The following SNRPN variants were observed in gnomAD, a reference collection of about 807,000 sequenced individuals.
SNRPN encodes small nuclear ribonucleoprotein-associated protein N.
Under a neutral mutation model 25.2 loss-of-function variants are expected in SNRPN, and 7 were observed. That is an observed-to-expected ratio of 0.28 (90% CI 0.16 to 0.52). SNRPN has a LOEUF of 0.52. SNRPN is among the 20% of genes least tolerant of loss of function. The pLI, the probability that SNRPN is intolerant of heterozygous loss-of-function variation, is 0.96. For synonymous variants in SNRPN, 124 were observed against 110.6 expected (o/e 1.12, Z -0.76); for missense variants, 196 against 322.5 (o/e 0.61, Z 3.00).
intron 3 of SNRPN, among the ~76,000 whole-genome samples, chr15:24,970,761 A>G (rs2076298334): frequency 6.6e-6 from 1 of 152,296 alleles, no homozygotes; most frequent in East Asian, 1.9e-4. Context: ...TGGCCACTAA[A>G]AATTAGTAGA....
At chr15:24,901,198 A>G (rs2058429307) in intron 2 of SNRPN, among the ~76,000 whole-genome samples, 1 of 152,190 alleles carries the variant, frequency 6.6e-6, no homozygotes, top group African/African-American at 2.4e-5. Flanking sequence ...AGGTAGAGGA[A>G]GAGGGCTCAA....
At chr15:24,850,034 A>G (rs1329765787) in intron 2 of SNRPN, 1 of 152,188 alleles carries the variant, frequency 6.6e-6, no homozygotes, top group Non-Finnish European at 1.5e-5. Context: ...CCTCTGTGGC[A>G]TGAACAGAGA....
At chr15:24,843,293 G>A (rs1447975232) in intron 2 of SNRPN, among the ~76,000 whole-genome samples, 2 of 152,134 alleles carry the variant, frequency 1.3e-5, no homozygotes, top group East Asian at 3.8e-4. Context: ...ACAAGCATAT[G>A]GTTTCATTCA....
chr15:24,843,597 A>G (rs1253595785), intron 2 of SNRPN, among the ~76,000 whole-genome samples: 1 of 152,118 alleles, frequency 6.6e-6, no homozygotes, highest in East Asian at 1.9e-4. Context: ...AGCCTGGCCA[A>G]CATGGTGAAA....
intron 1 of SNRPN, among the ~76,000 whole-genome samples, chr15:24,826,436 G>A (rs2050083468): frequency 6.6e-6 from 1 of 152,118 alleles, no homozygotes; most frequent in South Asian, 2.1e-4. Flanking sequence ...CTCATTGCCT[G>A]ATGTACTGTG....
intron 1 of SNRPN, among the ~76,000 whole-genome samples, 157 bp downstream of exon 1, chr15:24,955,219 G>A (rs942882695): frequency 6.6e-6 from 1 of 152,158 alleles, no homozygotes; most frequent in Non-Finnish European, 1.5e-5. Context: ...AATGTTCAGA[G>A]GCTTGCTGTT....
intron 2 of SNRPN, among the ~76,000 whole-genome samples, chr15:24,913,941 T>C (rs894494638): frequency 1.3e-5 from 2 of 152,154 alleles, no homozygotes; most frequent in Non-Finnish European, 2.9e-5. Context: ...TCCGTAGGGG[T>C]GACAACTTAC....
At chr15:24,898,315 C>T (rs191462018) in intron 2 of SNRPN, among the ~76,000 whole-genome samples, 75 of 152,312 alleles carry the variant, frequency 4.9e-4, no homozygotes, top group African/African-American at 1.6e-3. Context: ...TTGAGCTAGG[C>T]GTGGTGGCTT....
chr15:24,959,637 T>C (rs17785573), intron 1 of SNRPN, among the ~76,000 whole-genome samples: 3,491 of 152,322 alleles, frequency 0.023, 77 homozygotes, highest in Non-Finnish European at 0.031. Context: ...TGATAGTTTC[T>C]TTAATTGTAT....
rs551924327 is a variant in SNRPN at position 24,828,655 on chromosome 15, T to C, written c.-686-1143T>C. Among the ~76,000 whole-genome samples the C allele has an allele frequency of 2.2e-4, 34 of 152,256 alleles. 1 individual carries two copies. ...CTTGAGCCCAGGAATTGGAGGCTGCTATGCTCTGTGATCACAACTATGAAT... is the reference window on the plus strand; with the variant it reads ...CTTGAGCCCAGGAATTGGAGGCTGCCATGCTCTGTGATCACAACTATGAAT... On this transcript the variant is annotated intron_variant, in intron 1 of 12. Coordinates refer to the SNRPN transcript ENST00000400100.
At chr15:24,958,784 G>A (rs929306874) in intron 1 of SNRPN, 6 of 154,264 alleles carry the variant, frequency 3.9e-5, no homozygotes, top group Non-Finnish European at 7.3e-5. Flanking sequence ...CAGTGATGCA[G>A]TTATAGCTCC....
intron 1 of SNRPN, among the ~76,000 whole-genome samples, chr15:24,867,626 G>C (rs138317309): frequency 1.2e-4 from 18 of 146,798 alleles, no homozygotes; most frequent in African/African-American, 4.5e-4. Context: ...CACCCGCCTC[G>C]GCCTCCCAAA....
chr15:24,824,334 G>A (rs1442216502), intron 1 of SNRPN, among the ~76,000 whole-genome samples: 2 of 152,086 alleles, frequency 1.3e-5, no homozygotes, highest in South Asian at 2.1e-4. Context: ...CTTTGCTACC[G>A]TGCAAATGAG....
chr15:24,909,321 C>G, intron 2 of SNRPN: 1 of 1,603,912 alleles, frequency 6.2e-7, no homozygotes. Context: ...AAGCCTCCAT[C>G]CACAGCTCCC....
At chr15:24,882,864 T>C (rs1022300694) in intron 1 of SNRPN, among the ~76,000 whole-genome samples, 2 of 150,186 alleles carry the variant, frequency 1.3e-5, no homozygotes, top group African/African-American at 4.9e-5. Context: ...TTGAAATGCA[T>C]TTAATATATC....
At position 24,941,522 on chromosome 15, in the gene SNRPN, A is replaced by T. The variant is rs192834567; in HGVS notation, c.-390-20592A>T. On this transcript the variant is annotated intron_variant, in intron 3 of 11. Transcript: ENST00000400097. ...GATTTCTGAAGGGTCTAGGCCAGTC[A>T]TAGTCCTGCCTGAATTTCGTTGTTA... Among the ~76,000 whole-genome samples, 4 of 152,320 alleles carry T rather than the reference A, an allele frequency of 2.6e-5. No individual in the cohort carries two copies. In the East Asian group the frequency reaches 7.7e-4, roughly 29 times the overall value.
chr15:24,964,164 A>AT (rs1469281828), intron 2 of SNRPN, among the ~76,000 whole-genome samples: 1 of 151,434 alleles, frequency 6.6e-6, no homozygotes, highest in African/African-American at 2.4e-5. Context: ...GTACATTTTC[A>AT]TTTTTTAAAA....
chr15:24,930,892 C>G (rs901563511), intron 3 of SNRPN, among the ~76,000 whole-genome samples: 1 of 149,228 alleles, frequency 6.7e-6, no homozygotes, highest in Non-Finnish European at 1.5e-5. Flanking sequence ...AAGCAAGAGT[C>G]TGTCTCAGAA....
At chr15:24,830,526 G>A (rs2050431191) in intron 2 of SNRPN, among the ~76,000 whole-genome samples, 1 of 151,938 alleles carries the variant, frequency 6.6e-6, no homozygotes, top group Non-Finnish European at 1.5e-5. Flanking sequence ...AAATTTAGAT[G>A]TTTGAATTTT....
Sources: allele counts gnomAD v4.1 joint callset (sites outside exome capture counted in the v4.1 genomes callset), GRCh38; gene constraint gnomAD v4.1.1; transcripts MANE v1.5; gene names NCBI Gene and HGNC (gene_info 2026-07-23, HGNC 2026-07-21).